The following EYS variants were observed in gnomAD, a reference collection of about 807,000 sequenced individuals.
EYS encodes the protein EGF-like photoreceptor maintenance factor.
A neutral mutation model predicts 282.1 loss-of-function variants in EYS; 250 were observed. The ratio of observed to expected loss-of-function variants is 0.89; its 90% CI spans 0.80 to 0.98. The LOEUF (loss-of-function observed/expected upper bound fraction) is 0.98. Ranked by LOEUF, EYS falls within the 50% of genes least tolerant of loss-of-function variation. The pLI, the probability that EYS is intolerant of heterozygous loss-of-function variation, is 0.00. For missense variants in EYS, 4,016 were observed against 3,709.0 expected (o/e 1.08, Z -2.15); for synonymous variants, 1,355 against 1,282.9 (o/e 1.06, Z -1.20).
chr6:65,571,884 C>A (rs1764488628), intron 2 of EYS, among the ~76,000 whole-genome samples: 1 of 151,884 alleles, frequency 6.6e-6, no homozygotes, highest in South Asian at 2.1e-4. Context: ...CTAAATTTAT[C>A]AATAGATTTT....
chr6:64,959,829 T>A (rs999877889), intron 14 of EYS, among the ~76,000 whole-genome samples: 4 of 152,096 alleles, frequency 2.6e-5, no homozygotes, highest in Non-Finnish European at 4.4e-5. Context: ...AAAACTATGT[T>A]GTAAAGTTTC....
chr6:65,353,774 T>C lies in EYS; in HGVS notation c.1300-157A>G, dbSNP rs528962550. Among the ~76,000 whole-genome samples, 4 of 152,312 alleles carry C rather than the reference T, an allele frequency of 2.6e-5. No individual in the cohort carries two copies. In the South Asian group the frequency reaches 8.3e-4, roughly 32 times the overall value. ...CTTCTCTTTATTTCTTCTATTTCTT[T>C]ATCTTTTCTTTCTGTACTATCTTTT... is the stretch of plus-strand genomic sequence containing the variant. On this transcript the variant is annotated intron_variant, in intron 8 of 42. Coordinates refer to ENST00000503581, the MANE Select transcript of EYS (RefSeq NM_001142800.2).
chr6:65,287,107 A>G (rs550128925), intron 12 of EYS, among the ~76,000 whole-genome samples: 17 of 151,612 alleles, frequency 1.1e-4, no homozygotes, highest in Admixed American at 9.9e-4. Flanking sequence ...GAGGGGAAAT[A>G]GAATGTCTAT....
intron 33 of EYS, among the ~76,000 whole-genome samples, chr6:64,020,608 G>C (rs1439069708): frequency 1.3e-5 from 2 of 152,112 alleles, no homozygotes; most frequent in Non-Finnish European, 2.9e-5. Flanking sequence ...TTTCACATGT[G>C]ATATTTTAGA....
At position 64,589,895 on chromosome 6, in the gene EYS, T is replaced by TGTC. The variant is rs1282214386; in HGVS notation, c.5644+327_5644+328insGAC. On this transcript the variant is annotated intron_variant, in intron 26 of 42. Transcript: ENST00000503581. Reference sequence around the variant, plus strand: ...ATTGTGTTCAACCTGACAAAGAAGCTATTTCAAGAAATGAGAATAATAAAA... The same window carrying TGTC: ...ATTGTGTTCAACCTGACAAAGAAGCTGTCATTTCAAGAAATGAGAATAATAAAA... Among the ~76,000 whole-genome samples, 4 of 152,054 alleles carry TGTC rather than the reference T, an allele frequency of 2.6e-5. No homozygotes were observed. In the East Asian group the frequency reaches 7.7e-4, roughly 29 times the overall value.
intron 5 of EYS, among the ~76,000 whole-genome samples, chr6:65,418,358 A>C (rs1274693716): frequency 6.6e-6 from 1 of 152,058 alleles, no homozygotes; most frequent in African/African-American, 2.4e-5. Flanking sequence ...GGTTGAACTA[A>C]TTTACATTTC....
chr6:64,133,323 A>G (rs1394546498), intron 31 of EYS, among the ~76,000 whole-genome samples: 1 of 152,090 alleles, frequency 6.6e-6, no homozygotes, highest in Non-Finnish European at 1.5e-5. Flanking sequence ...AGACGTTCCC[A>G]TATCTCAGGC....
At chr6:63,740,976 A>C (rs948377801) in intron 41 of EYS, among the ~76,000 whole-genome samples, 2 of 152,176 alleles carry the variant, frequency 1.3e-5, no homozygotes, top group Admixed American at 1.3e-4. Flanking sequence ...ACTCATACCA[A>C]GTTTTTCTGG....
At chr6:64,212,291 G>A (rs2150328185) in intron 31 of EYS, among the ~76,000 whole-genome samples, 1 of 151,920 alleles carries the variant, frequency 6.6e-6, no homozygotes, top group East Asian at 1.9e-4. Context: ...TTTTTAAAAA[G>A]TCATGAATAA....
At chr6:65,657,314 T>C (rs181559959) in intron 1 of EYS, among the ~76,000 whole-genome samples, 26 of 151,958 alleles carry the variant, frequency 1.7e-4, no homozygotes, top group African/African-American at 5.3e-4. Flanking sequence ...TTCATAAGGC[T>C]ACAGATGCCG....
At chr6:64,571,708 C>A (rs1436670682) in intron 26 of EYS, among the ~76,000 whole-genome samples, 1 of 151,980 alleles carries the variant, frequency 6.6e-6, no homozygotes, top group Non-Finnish European at 1.5e-5. Context: ...ACACATACAC[C>A]CTCCCAAGAC....
chr6:65,437,239 G>T (rs1261683911), intron 5 of EYS, among the ~76,000 whole-genome samples: 1 of 152,066 alleles, frequency 6.6e-6, no homozygotes, highest in Admixed American at 6.6e-5. Context: ...CCTAACAACT[G>T]CAGTTATGGG....
rs1322656388 is a variant in EYS at position 65,451,386 on chromosome 6, A to G, written c.862+39208T>C. Among the ~76,000 whole-genome samples, 6 of 152,088 alleles carry G rather than the reference A, an allele frequency of 3.9e-5. No individual in the cohort carries two copies. In the East Asian group the frequency reaches 1.2e-3, roughly 29 times the overall value. On this transcript the variant is annotated intron_variant, in intron 5 of 42. Transcript: ENST00000503581. ...TTTAATTCAAAGAATTTATGTATTT[A>G]CTACCTCAATCAAAATGCATTATTT...
chr6:65,273,730 C>G (rs555842379), intron 12 of EYS, among the ~76,000 whole-genome samples: 1 of 152,164 alleles, frequency 6.6e-6, no homozygotes, highest in Non-Finnish European at 1.5e-5. Context: ...CTATACGTTA[C>G]GTGACATATC....
At chr6:65,589,068 C>T (rs532465991) in intron 2 of EYS, among the ~76,000 whole-genome samples, 29 of 152,110 alleles carry the variant, frequency 1.9e-4, no homozygotes, top group Non-Finnish European at 3.2e-4. Context: ...TATCACACCA[C>T]TCAAATTTCT....
chr6:65,564,207 T>G (rs1769182948), intron 2 of EYS, among the ~76,000 whole-genome samples: 1 of 152,086 alleles, frequency 6.6e-6, no homozygotes, highest in Admixed American at 6.6e-5. Context: ...CCAAAGTAAT[T>G]TATAGATTCA....
At chr6:64,976,830 T>A (rs1334195428) in intron 14 of EYS, among the ~76,000 whole-genome samples, 3 of 151,590 alleles carry the variant, frequency 2.0e-5, no homozygotes, top group Admixed American at 1.3e-4. Flanking sequence ...ATATTGAGAT[T>A]TTTTTTTTGC....
chr6:64,335,249 A>ACCCCCCCCC (rs1770800689), intron 29 of EYS, among the ~76,000 whole-genome samples: 2 of 121,358 alleles, frequency 1.6e-5, no homozygotes, highest in Admixed American at 9.0e-5. Flanking sequence ...GACTCCCCCC[A>ACCCCCCCCC]CCCCCCCTCC....
At chr6:64,659,717 C>G (rs552613281) in intron 22 of EYS, among the ~76,000 whole-genome samples, 1 of 152,236 alleles carries the variant, frequency 6.6e-6, no homozygotes, top group South Asian at 2.1e-4. Context: ...GGACCAATAA[C>G]AGGCTCTGAA....
Sources: gnomAD v4.1 joint callset for allele counts (sites outside exome capture counted in the v4.1 genomes callset) on GRCh38, gnomAD v4.1.1 for gene constraint, MANE v1.5 for transcripts, NCBI Gene and HGNC (gene_info 2026-07-23, HGNC 2026-07-21) for gene names.